The following CNBD1 variants were observed in gnomAD, a reference collection of about 807,000 sequenced individuals.
CNBD1 encodes cyclic nucleotide binding domain containing 1, also known as cyclic nucleotide-binding domain-containing protein 1.
CNBD1 carries 71 observed loss-of-function variants against 54.4 expected under a neutral mutation model. The ratio of observed to expected loss-of-function variants is 1.30; its 90% confidence interval spans 1.08 to 1.59. The LOEUF (loss-of-function observed/expected upper bound fraction) is 1.59, where lower values mean the gene tolerates loss of function less well. Among genes scored for constraint, CNBD1 ranks in the 40% most tolerant of loss-of-function variants. CNBD1 has a pLI of 0.00. For synonymous variants in CNBD1, 182 were observed against 170.7 expected (o/e 1.07, Z -0.51); for missense variants, 659 against 518.0 (o/e 1.27, Z -2.64).
chr8:86,874,594 A>G (rs1431060671), intron 1 of CNBD1, among the ~76,000 whole-genome samples: 2 of 152,184 alleles, frequency 1.3e-5, no homozygotes, highest in East Asian at 1.9e-4. Flanking sequence ...ATATTAAATT[A>G]AATACATTGA....
intron 1 of CNBD1, among the ~76,000 whole-genome samples, chr8:86,880,474 G>A (rs111261836): frequency 1.3e-4 from 20 of 152,288 alleles, no homozygotes; most frequent in African/African-American, 3.6e-4. Context: ...ATGGGAAGAT[G>A]TGCATAGGTT....
intron 2 of CNBD1, among the ~76,000 whole-genome samples, chr8:87,406,623 G>A (rs766237969): frequency 6.6e-6 from 1 of 151,958 alleles, no homozygotes; most frequent in South Asian, 2.1e-4. Context: ...AGGACTACAG[G>A]CGTGTGCCAC....
intron 5 of CNBD1, among the ~76,000 whole-genome samples, chr8:87,206,446 T>C (rs1333674474): frequency 3.3e-5 from 5 of 152,150 alleles, no homozygotes; most frequent in Admixed American, 3.3e-4. Flanking sequence ...TCAGTAGGTA[T>C]AGGATGAGGC....
At chr8:86,974,196 A>G (rs1452531147) in intron 4 of CNBD1, among the ~76,000 whole-genome samples, 3 of 152,140 alleles carry the variant, frequency 2.0e-5, no homozygotes, top group Non-Finnish European at 2.9e-5. Context: ...AATTAAAACT[A>G]TCAGGAAATA....
intron 6 of CNBD1, among the ~76,000 whole-genome samples, chr8:87,263,131 A>G (rs897561654): frequency 1.3e-5 from 2 of 152,128 alleles, no homozygotes; most frequent in African/African-American, 4.8e-5. Context: ...TGATGGTATT[A>G]TATATAGTGG....
intron 4 of CNBD1, among the ~76,000 whole-genome samples, chr8:87,070,599 T>A (rs1810741377): frequency 6.6e-6 from 1 of 152,088 alleles, no homozygotes; most frequent in South Asian, 2.1e-4. Flanking sequence ...TTCCTAAGTG[T>A]AATGGGACAT....
intron 4 of CNBD1, among the ~76,000 whole-genome samples, chr8:87,096,448 A>G (rs1811322939): frequency 1.3e-5 from 2 of 151,504 alleles, no homozygotes; most frequent in Admixed American, 6.6e-5. Context: ...TACTCCAAAT[A>G]CAGTCACGTT....
chr8:87,359,327 A>C (rs925903146), intron 10 of CNBD1, among the ~76,000 whole-genome samples: 2 of 152,038 alleles, frequency 1.3e-5, no homozygotes, highest in Non-Finnish European at 2.9e-5. Context: ...TGTTCATTTG[A>C]GAGTGATGTT....
intron 2 of CNBD1, among the ~76,000 whole-genome samples, chr8:87,411,396 T>TCA (rs1807739092): frequency 5.2e-5 from 1 of 19,192 alleles, no homozygotes; most frequent in East Asian, 3.6e-3. Context: ...CCTAGCTATA[T>TCA]CATATATATA....
At chr8:87,098,636 A>G (rs1403328146) in intron 4 of CNBD1, among the ~76,000 whole-genome samples, 1 of 152,148 alleles carries the variant, frequency 6.6e-6, no homozygotes, top group Non-Finnish European at 1.5e-5. Flanking sequence ...AAGATCAAAC[A>G]GAAGCCACAT....
intron 5 of CNBD1, among the ~76,000 whole-genome samples, chr8:87,232,340 A>T (rs1469100829): frequency 6.6e-6 from 1 of 152,148 alleles, no homozygotes; most frequent in Non-Finnish European, 1.5e-5. Context: ...ATTTTATAAA[A>T]AACTGCCAGA....
At chr8:87,275,298 C>T (rs996988514) in intron 6 of CNBD1, among the ~76,000 whole-genome samples, 6 of 148,212 alleles carry the variant, frequency 4.0e-5, no homozygotes, top group African/African-American at 1.5e-4. Context: ...TAGTTTTTTT[C>T]CAATTCTGTG....
chr8:87,298,333 C>G (rs16898546), intron 8 of CNBD1, among the ~76,000 whole-genome samples: 4,592 of 151,928 alleles, frequency 0.03, 229 homozygotes, highest in African/African-American at 0.1. Context: ...GCTTAGGTTC[C>G]CAGGGCAAAG....
At chr8:87,149,497 G>T (rs1413179068) in intron 4 of CNBD1, among the ~76,000 whole-genome samples, 1 of 152,206 alleles carries the variant, frequency 6.6e-6, no homozygotes, top group African/African-American at 2.4e-5. Context: ...ATGTATGTGT[G>T]TTGGAAATCC....
chr8:87,172,646 A>G (rs991589866), intron 4 of CNBD1, among the ~76,000 whole-genome samples: 4 of 151,582 alleles, frequency 2.6e-5, no homozygotes, highest in African/African-American at 4.8e-5. Context: ...TGTCTCTTGT[A>G]TTTTTTGTCT....
At chr8:87,424,232 G>A (rs1808002206) in intron 2 of CNBD1, among the ~76,000 whole-genome samples, 1 of 151,982 alleles carries the variant, frequency 6.6e-6, no homozygotes. Context: ...ACCAGCTCCT[G>A]GATTCATTAA....
chr8:86,883,396 G>A (rs1000236112), intron 1 of CNBD1, among the ~76,000 whole-genome samples: 4 of 152,154 alleles, frequency 2.6e-5, no homozygotes, highest in African/African-American at 9.7e-5. Context: ...TGGAGAGTTT[G>A]ATTTGAGAAT....
In CNBD1 at chr8:87,166,360, C is replaced by T. The variant is rs139723519; in HGVS notation, c.432-39633C>T. Among the ~76,000 whole-genome samples, 271 of 152,018 alleles carry T rather than the reference C, an allele frequency of 1.8e-3. No homozygotes were observed. Among genetic ancestry groups the T allele is most frequent in the African/African-American group, 6.1e-3 (255 of 41,534 alleles). On this transcript the variant is annotated intron_variant, in intron 4 of 10. Transcript: ENST00000518476. This position sits in a 1 kb window ranked among gnomAD's most constrained non-coding sequence, Gnocchi z 4.3. The stretch of plus-strand genomic sequence containing the variant: ...TTGTCTCCAGGTCACCATAGCTTCT[C>T]GCTTTGATACTTCAATAGCCTCCTT...
intron 2 of CNBD1, among the ~76,000 whole-genome samples, chr8:87,424,351 C>A (rs1286650597): frequency 2.0e-5 from 3 of 152,046 alleles, no homozygotes; most frequent in Non-Finnish European, 4.4e-5. Context: ...TTTTCTAGTT[C>A]TTTTAATTGT....
Sources: gnomAD v4.1 joint callset for allele counts (sites outside exome capture counted in the v4.1 genomes callset) on GRCh38, gnomAD v4.1.1 for gene constraint, Gnocchi (gnomAD v3.1) non-coding constraint, MANE v1.5 for transcripts, NCBI Gene and HGNC (gene_info 2026-07-23, HGNC 2026-07-21) for gene names.